The following RANBP2 variants were observed in gnomAD, a reference collection of about 807,000 sequenced individuals.
The protein encoded by RANBP2 is E3 SUMO-protein ligase RanBP2.
In RANBP2, 57 loss-of-function variants were observed where a neutral mutation model predicts 303.6. The observed-to-expected ratio is 0.19, with a 90% CI of 0.15 to 0.23. RANBP2 has a LOEUF of 0.23. Among genes scored for constraint, RANBP2 ranks in the 10% least tolerant of loss-of-function variants. The pLI, the probability that RANBP2 is intolerant of heterozygous loss-of-function variation, is 1.00. For missense variants in RANBP2, 3,138 were observed against 3,780.8 expected (o/e 0.83, Z 4.46); for synonymous variants, 1,167 against 1,301.5 (o/e 0.90, Z 2.23).
chr2:109,395,452 G>T, the RANBP2 span, among the ~76,000 whole-genome samples: 1 of 152,206 alleles, frequency 6.6e-6, no homozygotes, highest in Non-Finnish European at 1.5e-5. Flanking sequence ...CTGCAGGGAT[G>T]CTGGGGATGC....
At chr2:109,239,456 C>T in the RANBP2 span, among the ~76,000 whole-genome samples, 1 of 152,190 alleles carries the variant, frequency 6.6e-6, no homozygotes, top group Non-Finnish European at 1.5e-5. Context: ...TCCTTGCCTC[C>T]AATCAAGTAA....
the RANBP2 span, among the ~76,000 whole-genome samples, chr2:109,163,449 AG>A: frequency 4.3e-3 from 468 of 109,614 alleles, 19 homozygotes; most frequent in East Asian, 0.12. Flanking sequence ...CCCAGGCTGG[AG>A]TGCAGTGGCG....
the RANBP2 span, chr2:109,128,254 A>C: frequency 6.6e-6 from 1 of 152,174 alleles, no homozygotes; most frequent in Non-Finnish European, 1.5e-5. Flanking sequence ...CGTTGCTCTG[A>C]CGCTCCCAGA....
the RANBP2 span, among the ~76,000 whole-genome samples, chr2:109,565,136 T>A: frequency 6.6e-6 from 1 of 152,176 alleles, no homozygotes; most frequent in Non-Finnish European, 1.5e-5. Context: ...AGTATAATTA[T>A]TACTTTTACA....
chr2:108,849,436 C>T, the RANBP2 span, among the ~76,000 whole-genome samples: 1 of 152,122 alleles, frequency 6.6e-6, no homozygotes, highest in Non-Finnish European at 1.5e-5. Flanking sequence ...TCCCTTTCCT[C>T]CACACCCTGG....
the RANBP2 span, among the ~76,000 whole-genome samples, chr2:109,640,631 C>T: frequency 6.6e-6 from 1 of 152,158 alleles, no homozygotes; most frequent in Non-Finnish European, 1.5e-5. Flanking sequence ...GACTGCAGCA[C>T]AGCAGCAGGG....
chr2:108,916,714 G>C, the RANBP2 span, among the ~76,000 whole-genome samples: 1 of 152,114 alleles, frequency 6.6e-6, no homozygotes, highest in Non-Finnish European at 1.5e-5. Context: ...CGAGGAGGTG[G>C]GGGCAAGATG....
chr2:109,446,809 G>GCC, the RANBP2 span, among the ~76,000 whole-genome samples: 63 of 152,180 alleles, frequency 4.1e-4, no homozygotes, highest in Middle Eastern at 6.8e-3. Context: ...AGTGCGGCAG[G>GCC]CGAGGGGAAG....
At chr2:108,742,396 T>G (rs970662420) in intron 7 of RANBP2, among the ~76,000 whole-genome samples, 1 of 152,064 alleles carries the variant, frequency 6.6e-6, no homozygotes, top group Non-Finnish European at 1.5e-5. Flanking sequence ...CTGTGCCTCC[T>G]GGGTTCAAGT....
At chr2:109,386,436 CTG>C in the RANBP2 span, among the ~76,000 whole-genome samples, 32 of 152,022 alleles carry the variant, frequency 2.1e-4, no homozygotes, top group Non-Finnish European at 1.0e-4. Flanking sequence ...AAAAAAAACA[CTG>C]TGGCTGCTTG....
At chr2:109,432,648 A>G in the RANBP2 span, 1 of 1,612,742 alleles carries the variant, frequency 6.2e-7, no homozygotes, top group Non-Finnish European at 8.5e-7. Context: ...TGTTCCCCGG[A>G]AACTACGTGA....
chr2:109,659,067 C>G, the RANBP2 span, among the ~76,000 whole-genome samples: 1 of 140,976 alleles, frequency 7.1e-6, no homozygotes, highest in African/African-American at 2.7e-5. Flanking sequence ...TCCGCCCCCC[C>G]GCCAAAAAAT....
the RANBP2 span, among the ~76,000 whole-genome samples, chr2:109,315,869 A>G: frequency 6.6e-6 from 1 of 152,232 alleles, no homozygotes; most frequent in South Asian, 2.1e-4. Context: ...TCTAGGCATC[A>G]AAGCCACCAG....
chr2:109,687,741 AT>A, the RANBP2 span, among the ~76,000 whole-genome samples: 20,772 of 133,380 alleles, frequency 0.16, 1,518 homozygotes, highest in African/African-American at 0.24. Context: ...AGGTCAGGGG[AT>A]TTTTTTTTTT....
the RANBP2 span, among the ~76,000 whole-genome samples, chr2:109,622,319 A>C: frequency 6.6e-6 from 1 of 152,228 alleles, no homozygotes; most frequent in Non-Finnish European, 1.5e-5. Flanking sequence ...GGTACAGGAA[A>C]TACCACTTCT....
the RANBP2 span, among the ~76,000 whole-genome samples, chr2:109,376,155 G>A: frequency 1.3e-5 from 2 of 152,232 alleles, no homozygotes; most frequent in African/African-American, 4.8e-5. Flanking sequence ...CCATTGCTGT[G>A]TTGATTGAAG....
chr2:108,913,108 C>A, the RANBP2 span, among the ~76,000 whole-genome samples: 1 of 152,048 alleles, frequency 6.6e-6, no homozygotes, highest in Non-Finnish European at 1.5e-5. Context: ...ACCACCACAC[C>A]TGGCTAATTT....
chr2:109,531,699 C>G, the RANBP2 span, among the ~76,000 whole-genome samples: 1 of 152,198 alleles, frequency 6.6e-6, no homozygotes, highest in South Asian at 2.1e-4. Flanking sequence ...AGGGAAGTCT[C>G]CAGTGGCATA....
chr2:108,736,673 T>C (rs146387852), intron 6 of RANBP2, among the ~76,000 whole-genome samples: 3,309 of 152,332 alleles, frequency 0.022, 116 homozygotes, highest in African/African-American at 0.076. Flanking sequence ...TTTCAGAAAA[T>C]ACTGTTTTAG....
Sources: allele counts gnomAD v4.1 joint callset (sites outside exome capture counted in the v4.1 genomes callset), GRCh38; gene constraint gnomAD v4.1.1; transcripts MANE v1.5; gene names NCBI Gene and HGNC (gene_info 2026-07-23, HGNC 2026-07-21).